ST7L: variants seen among roughly 807,000 people sequenced by gnomAD.
The protein encoded by ST7L is suppressor of tumorigenicity 7 protein-like.
A neutral mutation model predicts 72.5 loss-of-function variants in ST7L; 57 were observed. That is an observed-to-expected ratio of 0.79 (90% confidence interval 0.64 to 0.98). The LOEUF is 0.98. ST7L is among the 50% of genes least tolerant of loss of function. The probability of loss-of-function intolerance (pLI) is 0.00; values close to 1 mark genes in which losing one functional copy is unlikely to be tolerated. For missense variants in ST7L, 576 were observed against 672.2 expected (o/e 0.86, Z 1.58); for synonymous variants, 221 against 240.9 (o/e 0.92, Z 0.77).
intron 2 of ST7L, among the ~76,000 whole-genome samples, chr1:112,614,446 C>T (rs549177091): frequency 1.5e-3 from 232 of 152,236 alleles, no homozygotes; most frequent in African/African-American, 5.0e-3. Flanking sequence ...CTAAAATATG[C>T]TTATGTTAAA....
At chr1:112,541,854 A>G in intron 14 of ST7L, 97 bp downstream of exon 14, 2 of 1,506,970 alleles carry the variant, frequency 1.3e-6, no homozygotes, top group Non-Finnish European at 8.8e-7. Context: ...TACAACAAAT[A>G]TCTTCCATTG....
Position 112,576,915 on chromosome 1 carries a change from T to C in ST7L, c.1245+71A>G. 4 of 1,166,324 alleles carry C rather than the reference T, an allele frequency of 3.4e-6. No individual in the cohort carries two copies. In the South Asian group the frequency reaches 4.2e-5, roughly 12 times the overall value. 72.2% of individuals were successfully genotyped at this position (1,166,324 alleles called of 1,614,324 possible). ...TGCACCAAATTATGGTGACCCAGACTCTGGTCTACGAACTGTCATCAATTT... is the reference window on the plus strand; with the variant it reads ...TGCACCAAATTATGGTGACCCAGACCCTGGTCTACGAACTGTCATCAATTT... On this transcript the variant is annotated intron_variant, in intron 11 of 14. Coordinates refer to ENST00000358039, the MANE Select transcript of ST7L (RefSeq NM_017744.5).
chr1:112,597,681 C>T (rs1248952184), intron 5 of ST7L, among the ~76,000 whole-genome samples: 1 of 152,118 alleles, frequency 6.6e-6, no homozygotes, highest in African/African-American at 2.4e-5. Context: ...GTGTTCATTT[C>T]CCAGACAGAA....
intron 14 of ST7L, chr1:112,526,903 T>A (rs1653530201): frequency 1.3e-5 from 2 of 152,086 alleles, no homozygotes; most frequent in South Asian, 4.1e-4. Context: ...CTGGCAAAGG[T>A]CCTGGGATCT....
intron 12 of ST7L, among the ~76,000 whole-genome samples, chr1:112,554,218 A>AT (rs5777126): frequency 0.66 from 100,198 of 151,942 alleles, 35,200 homozygotes; most frequent in African/African-American, 0.91. Flanking sequence ...TGTGAATCCT[A>AT]TGGTAAAATG....
At chr1:112,551,959 C>T (rs945553284) in intron 12 of ST7L, among the ~76,000 whole-genome samples, 10 of 152,284 alleles carry the variant, frequency 6.6e-5, no homozygotes, top group East Asian at 1.9e-4. Context: ...GCTATACATA[C>T]GTTTAAGAAA....
At chr1:112,526,629 T>C (rs1005935499) in intron 14 of ST7L, 2 of 152,284 alleles carry the variant, frequency 1.3e-5, no homozygotes, top group Non-Finnish European at 2.9e-5. Flanking sequence ...TAGTCCCAGC[T>C]ACTGGGGAGG....
chr1:112,580,644 G>A (rs949135275), intron 9 of ST7L, among the ~76,000 whole-genome samples: 10 of 152,180 alleles, frequency 6.6e-5, no homozygotes, highest in African/African-American at 1.2e-4. Flanking sequence ...AAAAATAACT[G>A]CCAGGTGCGG....
intron 14 of ST7L, among the ~76,000 whole-genome samples, chr1:112,538,400 T>G (rs974833481): frequency 1.3e-5 from 2 of 152,162 alleles, no homozygotes; most frequent in East Asian, 1.9e-4. Context: ...TGGAGTGCAA[T>G]AGTGAAATCA....
intron 14 of ST7L, chr1:112,539,016 C>T (rs554167648): frequency 2.1e-4 from 32 of 152,318 alleles, no homozygotes; most frequent in African/African-American, 7.5e-4. Context: ...CAGCCTGCCT[C>T]CAGAATCTAT....
rs772794472 is a variant in ST7L at position 112,619,092 on chromosome 1, C to G, written c.22G>C (p.Gly8Arg). 5 of 1,613,380 alleles carry G rather than the reference C, an allele frequency of 3.1e-6. No homozygotes were observed. Among genetic ancestry groups the G allele is most frequent in the Non-Finnish European group, 4.2e-6 (5 of 1,179,876 alleles). Residue 8 changes from glycine to arginine, a missense_variant, in exon 1 of 15, where the codon GGT (glycine) becomes CGT (arginine). Around this residue, in one of 3 missense-constraint regions of ST7L, gnomAD observed 56 missense variants for 45.8 expected, o/e 1.22. Transcript: ENST00000358039. MADRGGV[G>R]EAAAVGASPA... is the part of the protein sequence containing the mutation. ...GACGCTCCAACAGCTGCGGCTTCAC[C>G]CACGCCGCCACGGTCCGCCATCTTG...
At chr1:112,598,387 G>C (rs961127334) in intron 4 of ST7L, among the ~76,000 whole-genome samples, 2 of 151,084 alleles carry the variant, frequency 1.3e-5, no homozygotes, top group Non-Finnish European at 2.9e-5. Flanking sequence ...AATGACTTGA[G>C]ACCTGCAGTT....
At position 112,600,909 on chromosome 1, in the gene ST7L, T is replaced by C; in HGVS notation, c.452-61A>G. 4.1e-6 allele frequency: 6 copies of C among 1,456,340 alleles called. No individual in the cohort carries two copies. The Admixed American group carries it at 1.2e-4, about 28-fold the overall frequency. 90.2% of individuals were successfully genotyped at this position (1,456,340 alleles called of 1,614,324 possible). ...CACTTTAAAATCTTCATTTAACCAA[T>C]ATCTATTGTCTACCCACTGTAGGCT... On this transcript the variant is annotated intron_variant, in intron 3 of 14. Coordinates refer to ENST00000358039, the MANE Select transcript of ST7L (RefSeq NM_017744.5).
At chr1:112,547,982 A>G (rs1308465391) in intron 13 of ST7L, among the ~76,000 whole-genome samples, 3 of 152,194 alleles carry the variant, frequency 2.0e-5, no homozygotes, top group Non-Finnish European at 2.9e-5. Context: ...AGCCATGTTT[A>G]TAAGAATAAA....
chr1:112,585,547 G>A (rs951321443), intron 6 of ST7L, among the ~76,000 whole-genome samples: 1 of 151,892 alleles, frequency 6.6e-6, no homozygotes, highest in African/African-American at 2.4e-5. Context: ...TCGAGACCAC[G>A]GTGAAACCCT....
chr1:112,542,171 T>G (rs1656209131), intron 13 of ST7L, 81 bp from the exon 14 acceptor site: 1 of 1,353,328 alleles, frequency 7.4e-7, no homozygotes, highest in Non-Finnish European at 9.8e-7. Flanking sequence ...ATGAAATCTG[T>G]TTTTAAAAAT....
chr1:112,607,404 AGTCT>A (rs1421766322), intron 3 of ST7L: 2 of 152,246 alleles, frequency 1.3e-5, no homozygotes, highest in Non-Finnish European at 2.9e-5. Context: ...GTTTGAGACC[AGTCT>A]GGCCAACATG....
chr1:112,520,411 C>T, downstream of ST7L: 1 of 1,614,154 alleles, frequency 6.2e-7, no homozygotes, highest in South Asian at 1.1e-5. Context: ...GTGCAAATTC[C>T]ACTGGTGCTG....
chr1:112,547,299 T>A (rs1657250440), intron 13 of ST7L, among the ~76,000 whole-genome samples: 1 of 151,548 alleles, frequency 6.6e-6, no homozygotes, highest in African/African-American at 2.4e-5. Context: ...TTCAAGCAAT[T>A]CTCCTACCTC....
Sources: gnomAD v4.1 joint callset for allele counts (sites outside exome capture counted in the v4.1 genomes callset) on GRCh38, gnomAD v4.1.1 for gene constraint, gnomAD v4.1.1 regional missense constraint, MANE v1.5 for transcripts, NCBI Gene and HGNC (gene_info 2026-07-23, HGNC 2026-07-21) for gene names.